Variants in LY96 observed in about 807,000 individuals in gnomAD.
The protein encoded by LY96 is lymphocyte antigen 96, also known as myeloid differentiation protein-2.
A neutral mutation model predicts 18.9 loss-of-function variants in LY96; 18 were observed. The ratio of observed to expected loss-of-function variants is 0.95; its 90% CI spans 0.66 to 1.41. The LOEUF is 1.41. Among genes scored for constraint, LY96 ranks in the 40% most tolerant of loss-of-function variants. The pLI, the probability that LY96 is intolerant of heterozygous loss-of-function variation, is 0.00. For missense variants in LY96, 175 were observed against 182.4 expected (o/e 0.96, Z 0.23); for synonymous variants, 66 against 62.6 (o/e 1.06, Z -0.26).
chr8:74,077,974 G>C, the LY96 span, among the ~76,000 whole-genome samples: 9 of 152,008 alleles, frequency 5.9e-5, no homozygotes, highest in Non-Finnish European at 7.4e-5. Flanking sequence ...TGAGTGTGGT[G>C]GCACATGCCT....
At chr8:74,015,892 G>A (rs918643674) in intron 3 of LY96, among the ~76,000 whole-genome samples, 1 of 152,314 alleles carries the variant, frequency 6.6e-6, no homozygotes, top group African/African-American at 2.4e-5. Flanking sequence ...GGAAGGGTCC[G>A]TTCCAAGATG....
the LY96 span, chr8:74,048,654 T>C: frequency 1.3e-5 from 2 of 152,168 alleles, no homozygotes; most frequent in African/African-American, 4.8e-5. Context: ...TTACTCACCT[T>C]TTACTGATCA....
At chr8:74,011,945 G>T (rs910300365) in intron 3 of LY96, among the ~76,000 whole-genome samples, 1 of 101,226 alleles carries the variant, frequency 9.9e-6, no homozygotes, top group African/African-American at 6.7e-5. Flanking sequence ...TGGTCAATAG[G>T]TATATTACTA....
At chr8:74,042,499 C>A in the LY96 span, among the ~76,000 whole-genome samples, 1 of 151,822 alleles carries the variant, frequency 6.6e-6, no homozygotes, top group Non-Finnish European at 1.5e-5. Flanking sequence ...GCCTGGGTGA[C>A]AAAAGCGAAA....
intron 1 of LY96, among the ~76,000 whole-genome samples, chr8:73,994,664 T>A (rs902640354): frequency 2.2e-4 from 34 of 152,294 alleles, no homozygotes; most frequent in African/African-American, 7.9e-4. Context: ...TTTTTAAGTT[T>A]TTTGTAGTGA....
At chr8:74,027,064 T>G (rs1816886549) in intron 4 of LY96, among the ~76,000 whole-genome samples, 1 of 151,508 alleles carries the variant, frequency 6.6e-6, no homozygotes, top group Admixed American at 6.6e-5. Context: ...CTTAGCCTCC[T>G]GACTAGCTGG....
chr8:74,020,580 A>T (rs1347204305), intron 3 of LY96, among the ~76,000 whole-genome samples: 1 of 152,258 alleles, frequency 6.6e-6, no homozygotes, highest in Non-Finnish European at 1.5e-5. Flanking sequence ...TTTAAAGTTC[A>T]TCTGGAACCA....
At chr8:74,080,712 G>C in the LY96 span, among the ~76,000 whole-genome samples, 1 of 152,182 alleles carries the variant, frequency 6.6e-6, no homozygotes. Context: ...AGGTAAACGG[G>C]GTAGAATTGC....
the LY96 span, among the ~76,000 whole-genome samples, chr8:74,083,695 T>C: frequency 6.6e-6 from 1 of 152,144 alleles, no homozygotes; most frequent in Non-Finnish European, 1.5e-5. Flanking sequence ...TTAAATCTTT[T>C]CTTTCTTTTT....
intron 1 of LY96, among the ~76,000 whole-genome samples, chr8:74,000,229 A>G (rs1816234815): frequency 6.6e-6 from 1 of 152,092 alleles, no homozygotes; most frequent in South Asian, 2.1e-4. Flanking sequence ...AAAAGAAGCC[A>G]TGCAGCACCT....
chr8:74,061,386 A>C, the LY96 span, among the ~76,000 whole-genome samples: 2 of 152,240 alleles, frequency 1.3e-5, no homozygotes, highest in Non-Finnish European at 2.9e-5. Flanking sequence ...GAGGGCTGTC[A>C]CCAGACACCA....
At chr8:74,093,971 A>G in the LY96 span, among the ~76,000 whole-genome samples, 1 of 152,144 alleles carries the variant, frequency 6.6e-6, no homozygotes, top group Admixed American at 6.5e-5. Flanking sequence ...TTCATAGGCT[A>G]CTTCTTAGTC....
intron 3 of LY96, among the ~76,000 whole-genome samples, chr8:74,013,085 T>C (rs1445981770): frequency 1.3e-5 from 2 of 151,908 alleles, no homozygotes; most frequent in African/African-American, 4.8e-5. Context: ...GCCTCCTGAG[T>C]AGCAAGGACT....
chr8:74,089,726 A>G, the LY96 span, among the ~76,000 whole-genome samples: 1 of 125,860 alleles, frequency 7.9e-6, no homozygotes, highest in African/African-American at 3.0e-5. Context: ...TAGGTCGGAT[A>G]GTGATAAGCA....
At chr8:74,015,465 C>T (rs748426380) in intron 3 of LY96, among the ~76,000 whole-genome samples, 1 of 152,126 alleles carries the variant, frequency 6.6e-6, no homozygotes, top group Non-Finnish European at 1.5e-5. Flanking sequence ...TTCCTGGGTC[C>T]TTTCACTGTG....
chr8:74,038,270 A>G, the LY96 span, among the ~76,000 whole-genome samples: 1 of 152,184 alleles, frequency 6.6e-6, no homozygotes, highest in African/African-American at 2.4e-5. Flanking sequence ...CTGCTGTGCT[A>G]CCAAATATTA....
At chr8:74,077,884 G>T in the LY96 span, among the ~76,000 whole-genome samples, 1,189 of 152,108 alleles carry the variant, frequency 7.8e-3, 12 homozygotes, top group African/African-American at 0.026. Flanking sequence ...GAGGTGGGAG[G>T]ACTGCTTGAA....
At chr8:74,070,765 T>A in the LY96 span, among the ~76,000 whole-genome samples, 1 of 152,178 alleles carries the variant, frequency 6.6e-6, no homozygotes, top group African/African-American at 2.4e-5. Flanking sequence ...TATTTTTATT[T>A]CCATAGGGAA....
the LY96 span, among the ~76,000 whole-genome samples, chr8:74,081,435 T>C: frequency 2.6e-5 from 4 of 151,772 alleles, no homozygotes; most frequent in African/African-American, 9.7e-5. Flanking sequence ...TAAAATTTTT[T>C]TTTTTTTGGA....
Sources: gnomAD v4.1 joint callset for allele counts (sites outside exome capture counted in the v4.1 genomes callset) on GRCh38, gnomAD v4.1.1 for gene constraint, MANE v1.5 for transcripts, NCBI Gene and HGNC (gene_info 2026-07-23, HGNC 2026-07-21) for gene names.